Variants in TPRA1 observed in about 807,000 individuals in gnomAD.
TPRA1 encodes the protein transmembrane protein adipocyte-associated 1.
TPRA1 carries 28 observed loss-of-function variants against 40.1 expected under a neutral mutation model. That is an observed-to-expected ratio of 0.70 (90% CI 0.52 to 0.96). TPRA1 has a LOEUF of 0.96. TPRA1 is among the 40% of genes least tolerant of loss of function. The probability of loss-of-function intolerance (pLI) is 0.00; values close to 1 mark genes in which losing one functional copy is unlikely to be tolerated. For synonymous variants in TPRA1, 219 were observed against 209.7 expected (o/e 1.04, Z -0.38); for missense variants, 441 against 482.6 (o/e 0.91, Z 0.81).
Position 127,574,393 on chromosome 3 carries a change from C to T in TPRA1, c.855-605G>A, listed in dbSNP as rs577391119. ...TGAGAAAGGGGGGACAAAACACCCA[C>T]ATTCCGACCACATTAAGGTCTGGAG... On this transcript the variant is annotated intron_variant, in intron 10 of 10. Transcript: ENST00000355552. Among the ~76,000 whole-genome samples, 280 of 152,360 alleles carry T rather than the reference C, an allele frequency of 1.8e-3. 4 individuals are homozygous for T. Among genetic ancestry groups the T allele is most frequent in the Middle Eastern group, 0.01 (3 of 294 alleles).
chr3:127,585,180 A>G (rs2073962469), intron 1 of TPRA1, among the ~76,000 whole-genome samples: 1 of 152,202 alleles, frequency 6.6e-6, no homozygotes, highest in South Asian at 2.1e-4. Context: ...ACAAGGTGAC[A>G]TTTTGAGCCG....
Position 127,580,169 on chromosome 3 carries a change from G to T in TPRA1, c.-17-6C>A, listed in dbSNP as rs750179839. The T allele has an allele frequency of 4.4e-6, 7 of 1,608,394 alleles. No homozygotes were observed. The East Asian group carries it at 1.6e-4, about 36-fold the overall frequency. On this transcript the variant is annotated splice_region_variant and splice_polypyrimidine_tract_variant and intron_variant, in intron 1 of 10. Coordinates refer to ENST00000355552, the MANE Select transcript of TPRA1 (RefSeq NM_001136053.4). ...CATCCCGCCAGCAGCCAGCCCTGGG[G>T]GAGTGAGAGCCGCCCAGTGAGCTGT...
Position 127,576,571 on chromosome 3 carries a change from T to TGGTGCCC in TPRA1, c.498+39_498+45dup, listed in dbSNP as rs748021560. ...CCCAGACCCAGAAGCAGTGGGTGCC[T>TGGTGCCC]GGTGCCCTGACTCCTAGCGTCCCCT... is the stretch of plus-strand genomic sequence containing the variant. On this transcript the variant is annotated intron_variant, in intron 6 of 10. Transcript: ENST00000355552. This position sits in a 1 kb window ranked among gnomAD's most constrained non-coding sequence, Gnocchi z 4.6. 6.5e-7 allele frequency: 1 copy of TGGTGCCC among 1,527,024 alleles called. No individual in the cohort carries two copies. Among genetic ancestry groups the TGGTGCCC allele is most frequent in the South Asian group, 1.2e-5 (1 of 83,776 alleles). 94.6% of individuals were successfully genotyped at this position (1,527,024 alleles called of 1,614,324 possible).
intron 1 of TPRA1, chr3:127,587,071 C>A (rs1285759967): frequency 6.6e-6 from 1 of 152,220 alleles, no homozygotes; most frequent in East Asian, 1.9e-4. Flanking sequence ...TGATCTAAGT[C>A]TGGCTAGTCA....
chr3:127,596,892 G>A (rs569030469), intron 1 of TPRA1, among the ~76,000 whole-genome samples: 6 of 152,260 alleles, frequency 3.9e-5, no homozygotes, highest in African/African-American at 1.4e-4. Flanking sequence ...CAAGGCAGGC[G>A]GATCCACTTG....
chr3:127,587,983 C>G (rs1387791336), intron 1 of TPRA1: 1 of 152,346 alleles, frequency 6.6e-6, no homozygotes, highest in Admixed American at 6.5e-5. Context: ...CTGTGCCTAA[C>G]CTCTGAGCCC....
intron 1 of TPRA1, 63 bp from the exon 2 acceptor site, chr3:127,580,226 A>C: frequency 6.5e-7 from 1 of 1,539,174 alleles, no homozygotes; most frequent in Non-Finnish European, 8.7e-7. Context: ...CTTCCCCTGG[A>C]CCTGGGACTC....
Position 127,573,547 on chromosome 3 carries a change from C to A in TPRA1, c.1096G>T (p.Glu366Ter). 6.2e-7 allele frequency: 1 copy of A among 1,612,820 alleles called. No homozygotes were observed. Among genetic ancestry groups the A allele is most frequent in the African/African-American group, 1.3e-5 (1 of 75,062 alleles). Residue 366 changes from glutamate (E) to a stop codon, truncating the protein, a stop_gained, in exon 11 of 11, where the codon GAG becomes TAG. Transcript: ENST00000355552. LOFTEE classifies it high-confidence loss of function. ...HTGSINSTDS[E>*]RWKAINA is the part of the protein sequence containing the mutation. ...CAGGCATTGATGGCCTTCCAGCGCTCGCTGTCTGTGCTGTTGATGCTGCCA... is the reference window on the plus strand; with the variant it reads ...CAGGCATTGATGGCCTTCCAGCGCTAGCTGTCTGTGCTGTTGATGCTGCCA...
At position 127,580,074 on chromosome 3, in the gene TPRA1, T is replaced by C. The variant is rs148260197; in HGVS notation, c.73A>G (p.Ser25Gly). Reference protein sequence around the residue: ...ALPPPLAPNISVPHRCLLLLY... With the variant: ...ALPPPLAPNIGVPHRCLLLLY... ...AGCAGCAGGCAGCGATGAGGCACAC[T>C]GATGTTTGGTGCCAGGGGTGGGGGT... is the stretch of plus-strand genomic sequence containing the variant. The change falls in exon 2 of 11, where the codon AGT (serine) becomes GGT (glycine). Residue 25 changes from serine to glycine, a missense_variant. Ser to Gly is a moderately conservative substitution (Grantham distance 56). Coordinates refer to ENST00000355552, the MANE Select transcript of TPRA1 (RefSeq NM_001136053.4). 9.5e-3 allele frequency: 15,262 copies of C among 1,613,912 alleles called. 83 individuals are homozygous for C. Among genetic ancestry groups the C allele is most frequent in the Non-Finnish European group, 0.011 (13,527 of 1,179,994 alleles).
At chr3:127,585,849 A>G (rs73858493) in intron 1 of TPRA1, among the ~76,000 whole-genome samples, 4,976 of 152,232 alleles carry the variant, frequency 0.033, 270 homozygotes, top group African/African-American at 0.11. Context: ...ATTTCAGCCA[A>G]TGGTCTCTGG....
intron 1 of TPRA1, among the ~76,000 whole-genome samples, chr3:127,583,997 C>T (rs114978690): frequency 0.014 from 2,089 of 151,938 alleles, 36 homozygotes; most frequent in African/African-American, 0.043. Context: ...CTCAGCAGAC[C>T]TTAACTAGCA....
In TPRA1 at chr3:127,573,443, C is replaced by G; in HGVS notation, c.*78G>C. ...TACTGCCCACAGAACGTCCCTTGAC[C>G]TGGTCCTCCTCCCCTGGGGACTCTG... On this transcript the variant is annotated 3_prime_UTR_variant, in exon 11 of 11. Coordinates refer to ENST00000355552, the MANE Select transcript of TPRA1 (RefSeq NM_001136053.4). 6.6e-7 allele frequency: 1 copy of G among 1,517,496 alleles called. No homozygotes were observed. The highest frequency in any genetic ancestry group is 8.8e-7 in the Non-Finnish European group (1 of 1,133,436). The allele number at this position is 1,517,496 out of a possible 1,614,324, so 94.0% of individuals were successfully genotyped here.
chr3:127,581,861 G>A (rs2073842789), intron 1 of TPRA1, among the ~76,000 whole-genome samples: 1 of 151,394 alleles, frequency 6.6e-6, no homozygotes, highest in South Asian at 2.1e-4. Flanking sequence ...GGCGGAGCTT[G>A]CAGTGAGCCG....
At chr3:127,575,651 G>A in intron 8 of TPRA1, 98 bp downstream of exon 8, 1 of 1,536,212 alleles carries the variant, frequency 6.5e-7, no homozygotes. Flanking sequence ...TCCCAGCCTG[G>A]AACTCTACAG....
At chr3:127,592,376 T>TG (rs1245178720), upstream of TPRA1, among the ~76,000 whole-genome samples, 3,210 of 131,762 alleles carry the variant, frequency 0.024, 133 homozygotes, top group Non-Finnish European at 0.038. Flanking sequence ...TGTTTTTTTT[T>TG]TTTTTTTTTT....
At chr3:127,583,342 A>G (rs2073892532) in intron 1 of TPRA1, among the ~76,000 whole-genome samples, 2 of 151,650 alleles carry the variant, frequency 1.3e-5, no homozygotes, top group African/African-American at 4.8e-5. Context: ...ACAAACAAAC[A>G]CAAAACTTAG....
intron 1 of TPRA1, among the ~76,000 whole-genome samples, chr3:127,589,915 AG>A (rs2074116832): frequency 6.6e-6 from 1 of 152,182 alleles, no homozygotes; most frequent in Non-Finnish European, 1.5e-5. Flanking sequence ...TGCAGAGAAG[AG>A]GGCAAAGCCA....
Position 127,573,459 on chromosome 3 carries a change from G to T in TPRA1, c.*62C>A. 1 of 1,547,016 alleles carries T rather than the reference G, an allele frequency of 6.5e-7. No homozygotes were observed. Among genetic ancestry groups the T allele is most frequent in the South Asian group, 1.2e-5 (1 of 82,392 alleles). ...TCCCTTGACCTGGTCCTCCTCCCCTGGGGACTCTGGGCCTGCTGGCCTCCT... is the reference window on the plus strand; with the variant it reads ...TCCCTTGACCTGGTCCTCCTCCCCTTGGGACTCTGGGCCTGCTGGCCTCCT... On this transcript the variant is annotated 3_prime_UTR_variant, in exon 11 of 11. Coordinates refer to ENST00000355552, the MANE Select transcript of TPRA1 (RefSeq NM_001136053.4).
upstream of TPRA1, chr3:127,590,751 A>T (rs1375517814): frequency 6.6e-6 from 1 of 152,234 alleles, no homozygotes; most frequent in African/African-American, 2.4e-5. Context: ...CCAGAGTCCC[A>T]GAGTCCCTGT....
Sources: gnomAD v4.1 joint callset for allele counts (sites outside exome capture counted in the v4.1 genomes callset) on GRCh38, gnomAD v4.1.1 for gene constraint, Gnocchi (gnomAD v3.1) non-coding constraint, MANE v1.5 for transcripts, NCBI Gene and HGNC (gene_info 2026-07-23, HGNC 2026-07-21) for gene names.